NEBL: variants seen among roughly 807,000 people sequenced by gnomAD.
NEBL encodes LIM and SH3 protein 2.
In NEBL, 122 loss-of-function variants were observed where a neutral mutation model predicts 140.2. The observed-to-expected ratio is 0.87, with a 90% CI of 0.75 to 1.01. The LOEUF is 1.01. Ranked by LOEUF, NEBL falls within the 50% of genes least tolerant of loss-of-function variation. The pLI is 0.00. For missense variants in NEBL, 1,365 were observed against 1,231.3 expected (o/e 1.11, Z -1.62); for synonymous variants, 436 against 398.9 (o/e 1.09, Z -1.11).
At chr10:20,946,370 G>C (rs1835159603) in intron 4 of NEBL, among the ~76,000 whole-genome samples, 1 of 152,192 alleles carries the variant, frequency 6.6e-6, no homozygotes, top group African/African-American at 2.4e-5. Flanking sequence ...CTGAGTCAAG[G>C]AACACACAAA....
At chr10:20,828,246 G>T (rs946859506) in intron 17 of NEBL, among the ~76,000 whole-genome samples, 1 of 152,086 alleles carries the variant, frequency 6.6e-6, no homozygotes, top group Non-Finnish European at 1.5e-5. Context: ...AGTAAAATCT[G>T]TGTAGAAGAC....
chr10:21,109,426 T>C (rs1837869646), intron 2 of NEBL, among the ~76,000 whole-genome samples: 1 of 152,214 alleles, frequency 6.6e-6, no homozygotes, highest in Non-Finnish European at 1.5e-5. Context: ...GATTTTCGCA[T>C]CAATGTTCAT....
chr10:21,125,436 C>T lies in NEBL; in HGVS notation c.164+46947G>A, dbSNP rs201233176. 7.9e-5 allele frequency among the ~76,000 whole-genome samples: 12 copies of T among 152,206 alleles called. No individual in the cohort carries two copies. The East Asian group carries it at 1.5e-3, about 20-fold the overall frequency. ...GTTGGGGAGAAGAAATGGGAAGTTGCGGAGGGGACTACTTAATGAACTGGG... is the reference window on the plus strand; with the variant it reads ...GTTGGGGAGAAGAAATGGGAAGTTGTGGAGGGGACTACTTAATGAACTGGG... On this transcript the variant is annotated intron_variant, in intron 2 of 6. Coordinates refer to the NEBL transcript ENST00000417816.
chr10:21,008,607 T>C (rs1564478487), intron 3 of NEBL, among the ~76,000 whole-genome samples: 1 of 152,152 alleles, frequency 6.6e-6, no homozygotes, highest in African/African-American at 2.4e-5. Flanking sequence ...CGATACCACC[T>C]TACTCCTGCA....
intron 3 of NEBL, among the ~76,000 whole-genome samples, chr10:21,191,866 T>C (rs1385341379): frequency 2.0e-5 from 3 of 152,152 alleles, no homozygotes; most frequent in Non-Finnish European, 4.4e-5. Flanking sequence ...CCCCAACTTC[T>C]AAAACTAGAA....
intron 3 of NEBL, among the ~76,000 whole-genome samples, chr10:21,192,482 G>A (rs759191133): frequency 5.3e-5 from 8 of 151,014 alleles, no homozygotes; most frequent in South Asian, 4.2e-4. Flanking sequence ...GTGAGCCACC[G>A]CGCCCGGCCA....
At chr10:20,914,032 ACCT>A (rs1465642317) in intron 4 of NEBL, among the ~76,000 whole-genome samples, 4 of 152,282 alleles carry the variant, frequency 2.6e-5, no homozygotes, top group Non-Finnish European at 5.9e-5. Flanking sequence ...CTCAGGTTCA[ACCT>A]CCTCTGCACA....
chr10:20,946,549 C>G (rs1173648483), intron 4 of NEBL, among the ~76,000 whole-genome samples: 2 of 152,138 alleles, frequency 1.3e-5, no homozygotes, highest in Admixed American at 6.5e-5. Context: ...GCAACCTCTG[C>G]TTCCTGAGTT....
intron 26 of NEBL, among the ~76,000 whole-genome samples, chr10:20,795,551 G>C (rs1251794987): frequency 2.1e-5 from 3 of 144,228 alleles, no homozygotes; most frequent in Admixed American, 2.1e-4. Flanking sequence ...GAGAGAGTGT[G>C]CGTGTGCAAT....
At chr10:21,192,569 G>T (rs1386774927) in intron 3 of NEBL, among the ~76,000 whole-genome samples, 1 of 151,074 alleles carries the variant, frequency 6.6e-6, no homozygotes, top group East Asian at 2.0e-4. Flanking sequence ...TTCTGGCCAG[G>T]CGTTGTGGCT....
At chr10:21,228,990 G>A (rs1351596125) in intron 3 of NEBL, among the ~76,000 whole-genome samples, 5 of 152,040 alleles carry the variant, frequency 3.3e-5, no homozygotes, top group Non-Finnish European at 7.4e-5. Context: ...GGATAAATTA[G>A]GACATGAAGC....
chr10:20,934,748 C>A (rs577495553), intron 4 of NEBL, among the ~76,000 whole-genome samples: 1 of 152,294 alleles, frequency 6.6e-6, no homozygotes, highest in African/African-American at 2.4e-5. Flanking sequence ...TAAAATAAAC[C>A]TCTATTGTAC....
At chr10:20,864,846 C>A (rs769367678) in intron 7 of NEBL, among the ~76,000 whole-genome samples, 2 of 152,050 alleles carry the variant, frequency 1.3e-5, no homozygotes, top group African/African-American at 2.4e-5. Flanking sequence ...TCCCAGAATT[C>A]CTATTATTTA....
chr10:20,829,526 T>C (rs887494806), intron 16 of NEBL, among the ~76,000 whole-genome samples: 2 of 151,860 alleles, frequency 1.3e-5, no homozygotes, highest in South Asian at 4.2e-4. Context: ...GCATAGCACA[T>C]GTATACATAT....
intron 1 of NEBL, among the ~76,000 whole-genome samples, chr10:21,264,272 G>A (rs1477863125): frequency 6.6e-6 from 1 of 152,008 alleles, no homozygotes; most frequent in Non-Finnish European, 1.5e-5. Flanking sequence ...GATATATAAA[G>A]AGCATCTCTC....
At chr10:20,991,709 G>GCC (rs1203956267) in intron 3 of NEBL, among the ~76,000 whole-genome samples, 1 of 151,052 alleles carries the variant, frequency 6.6e-6, no homozygotes, top group East Asian at 1.9e-4. Context: ...TGACCTCATT[G>GCC]CCCAGGTAGT....
chr10:21,167,524 A>AT (rs1045589964), intron 2 of NEBL, among the ~76,000 whole-genome samples: 12 of 152,344 alleles, frequency 7.9e-5, no homozygotes, highest in African/African-American at 2.9e-4. Context: ...ATAACTTGAC[A>AT]TTTGGTGAGA....
At chr10:20,975,529 T>C (rs1352936699) in intron 3 of NEBL, among the ~76,000 whole-genome samples, 2 of 152,236 alleles carry the variant, frequency 1.3e-5, no homozygotes, top group Non-Finnish European at 2.9e-5. Flanking sequence ...ATAGGGATTG[T>C]GTATGTTTCA....
intron 1 of NEBL, among the ~76,000 whole-genome samples, chr10:21,289,800 C>G (rs1472910894): frequency 1.3e-5 from 2 of 152,174 alleles, no homozygotes; most frequent in Non-Finnish European, 2.9e-5. Context: ...GATAGTGGGT[C>G]AGAAACTACA....
Sources: gnomAD v4.1 joint callset for allele counts (sites outside exome capture counted in the v4.1 genomes callset) on GRCh38, gnomAD v4.1.1 for gene constraint, MANE v1.5 for transcripts, NCBI Gene and HGNC (gene_info 2026-07-23, HGNC 2026-07-21) for gene names.